The following GNG12 variants were observed in gnomAD, a reference collection of about 807,000 sequenced individuals.
GNG12 encodes G protein subunit gamma 12, also known as guanine nucleotide-binding protein G(I)/G(S)/G(O) subunit gamma-12.
For synonymous variants in GNG12, 28 were observed against 29.7 expected (o/e 0.94, Z 0.19); for missense variants, 69 against 83.8 (o/e 0.82, Z 0.69).
At chr1:67,730,759 C>G (rs1646414248) in intron 2 of GNG12, among the ~76,000 whole-genome samples, 1 of 152,132 alleles carries the variant, frequency 6.6e-6, no homozygotes, top group Non-Finnish European at 1.5e-5. Context: ...AAGCTTAAAA[C>G]AAACAATTCA....
At chr1:67,770,785 G>A (rs114856807) in intron 2 of GNG12, among the ~76,000 whole-genome samples, 2,564 of 152,226 alleles carry the variant, frequency 0.017, 62 homozygotes, top group African/African-American at 0.058. Context: ...GTCAGGTAAC[G>A]ACTTGCTGCA....
At chr1:67,774,055 C>T (rs1271438289) in intron 2 of GNG12, among the ~76,000 whole-genome samples, 4 of 152,154 alleles carry the variant, frequency 2.6e-5, no homozygotes, top group Admixed American at 1.3e-4. Flanking sequence ...GAGATGTTGT[C>T]GGCCACTCTG....
chr1:67,717,726 A>G (rs1046685731), intron 2 of GNG12, among the ~76,000 whole-genome samples: 4 of 152,180 alleles, frequency 2.6e-5, no homozygotes, highest in African/African-American at 9.7e-5. Flanking sequence ...CCTCCCTGGC[A>G]TCAGTGATGC....
intron 1 of GNG12, among the ~76,000 whole-genome samples, chr1:67,793,827 T>G (rs1646815050): frequency 6.6e-6 from 1 of 152,226 alleles, no homozygotes; most frequent in African/African-American, 2.4e-5. Flanking sequence ...ACTCACTTTG[T>G]TGGGGAAGTA....
intron 2 of GNG12, among the ~76,000 whole-genome samples, chr1:67,729,819 A>C (rs1303690916): frequency 2.6e-5 from 4 of 152,184 alleles, no homozygotes; most frequent in Non-Finnish European, 4.4e-5. Context: ...TTCCTGAGAT[A>C]ATTTGAAATT....
chr1:67,709,566 T>G (rs531289471), intron 2 of GNG12, among the ~76,000 whole-genome samples: 11 of 151,948 alleles, frequency 7.2e-5, no homozygotes, highest in Admixed American at 5.9e-4. Flanking sequence ...TGCTAAGCCT[T>G]GGACAAGCTC....
At chr1:67,706,444 G>T (rs1646248267) in intron 3 of GNG12, among the ~76,000 whole-genome samples, 2 of 152,280 alleles carry the variant, frequency 1.3e-5, no homozygotes, top group Non-Finnish European at 2.9e-5. Flanking sequence ...ACTCCCGCAT[G>T]AATTAAACAC....
intron 2 of GNG12, among the ~76,000 whole-genome samples, chr1:67,732,045 C>T (rs1026615822): frequency 6.6e-6 from 1 of 151,950 alleles, no homozygotes; most frequent in African/African-American, 2.4e-5. Flanking sequence ...TGGGAAGGTG[C>T]AAAAGAAAAA....
In GNG12 at chr1:67,705,557, T is replaced by C. The variant is rs1646242263; in HGVS notation, c.113A>G (p.Asp38Gly). 6.2e-7 allele frequency: 1 copy of C among 1,609,168 alleles called. No homozygotes were observed. The highest frequency in any genetic ancestry group is 2.2e-5 in the East Asian group (1 of 44,826). ...ATGTTCCTCACAGTAGGACATGAGG[T>C]CCGCTGATGCCTTCGAAACCTGACA... ...ERIKVSKASA[D>G]LMSYCEEHAR... is the part of the protein sequence containing the mutation. Residue 38 changes from aspartate to glycine, a missense_variant, in exon 4 of 4, where the codon GAC becomes GGC. Transcript: ENST00000370982.
At chr1:67,739,523 T>C (rs931725816) in intron 2 of GNG12, among the ~76,000 whole-genome samples, 1 of 152,216 alleles carries the variant, frequency 6.6e-6, no homozygotes, top group African/African-American at 2.4e-5. Context: ...GACAGCTACG[T>C]TGGAAAATCA....
rs145273564 is a variant in GNG12, at chr1:67,717,721, C to T, written c.-26-10009G>A. 8.7e-4 allele frequency among the ~76,000 whole-genome samples: 132 copies of T among 152,288 alleles called. 1 individual carries two copies. The East Asian group carries it at 0.015, about 17-fold the overall frequency. On this transcript the variant is annotated intron_variant, in intron 2 of 3. Coordinates refer to ENST00000370982, the MANE Select transcript of GNG12 (RefSeq NM_018841.6). ...TTGCTTTCTGAAAAGCATCTCCTCCCTGGCATCAGTGATGCTAGACTCTCC... is the reference window on the plus strand; with the variant it reads ...TTGCTTTCTGAAAAGCATCTCCTCCTTGGCATCAGTGATGCTAGACTCTCC...
chr1:67,766,577 T>C (rs1277099648), intron 2 of GNG12, among the ~76,000 whole-genome samples: 2 of 151,644 alleles, frequency 1.3e-5, no homozygotes, highest in Non-Finnish European at 1.5e-5. Context: ...TTGCCAAAGA[T>C]GATACACTTT....
chr1:67,793,638 G>A (rs1409087919), intron 1 of GNG12, among the ~76,000 whole-genome samples: 1 of 152,040 alleles, frequency 6.6e-6, no homozygotes, highest in Non-Finnish European at 1.5e-5. Context: ...CTCGGGCTGT[G>A]CAAGTGGCTT....
At chr1:67,818,134 G>C (rs1300406670) in intron 1 of GNG12, among the ~76,000 whole-genome samples, 3 of 148,192 alleles carry the variant, frequency 2.0e-5, no homozygotes, top group African/African-American at 4.9e-5. Flanking sequence ...ACTATACTAG[G>C]CTTCGACAGA....
Position 67,707,730 on chromosome 1 carries a change from T to TA in GNG12, c.-26-19dup, listed in dbSNP as rs745687696. On this transcript the variant is annotated intron_variant, in intron 2 of 3. Coordinates refer to ENST00000370982, the MANE Select transcript of GNG12 (RefSeq NM_018841.6). ...CCTGAAATCTGAGGAGAATTTTTTT[T>TA]AAAGACAAGTAACAGGCATCTTTAA... 8.0e-7 allele frequency: 1 copy of TA among 1,249,000 alleles called. No homozygotes were observed. The highest frequency in any genetic ancestry group is 1.1e-6 in the Non-Finnish European group (1 of 873,778). 77.4% of individuals were successfully genotyped at this position (1,249,000 alleles called of 1,614,324 possible).
intron 2 of GNG12, among the ~76,000 whole-genome samples, chr1:67,741,425 C>G (rs375388964): frequency 4.6e-5 from 7 of 152,178 alleles, no homozygotes; most frequent in African/African-American, 1.7e-4. Context: ...AGAAAGTTCA[C>G]CATATTCTAT....
At chr1:67,800,320 G>A (rs1196843973) in intron 1 of GNG12, among the ~76,000 whole-genome samples, 1 of 152,112 alleles carries the variant, frequency 6.6e-6, no homozygotes, top group Non-Finnish European at 1.5e-5. Context: ...GCTCATGGTG[G>A]CAGATACAAG....
At chr1:67,732,931 T>C (rs1010434188) in intron 2 of GNG12, among the ~76,000 whole-genome samples, 2 of 152,200 alleles carry the variant, frequency 1.3e-5, no homozygotes, top group African/African-American at 4.8e-5. Flanking sequence ...CGCTTTATCA[T>C]GGCCAAGGGC....
intron 1 of GNG12, among the ~76,000 whole-genome samples, chr1:67,793,305 T>C (rs1463552442): frequency 6.6e-6 from 1 of 152,216 alleles, no homozygotes; most frequent in Non-Finnish European, 1.5e-5. Flanking sequence ...CAGATGGGTA[T>C]CAGTTCTGCC....
Sources: gnomAD v4.1 joint callset for allele counts (sites outside exome capture counted in the v4.1 genomes callset) on GRCh38, gnomAD v4.1.1 for gene constraint, MANE v1.5 for transcripts, NCBI Gene and HGNC (gene_info 2026-07-23, HGNC 2026-07-21) for gene names.